The following SCAP variants were observed in gnomAD, a reference collection of about 807,000 sequenced individuals.
SCAP encodes sterol regulatory element-binding protein cleavage-activating protein.
In SCAP, 65 loss-of-function variants were observed where a neutral mutation model predicts 123.6. The observed-to-expected ratio is 0.53, with a 90% CI of 0.43 to 0.65. SCAP has a LOEUF of 0.65. Among genes scored for constraint, SCAP ranks in the 30% least tolerant of loss-of-function variants. The pLI, the probability that SCAP is intolerant of heterozygous loss-of-function variation, is 0.00. For synonymous variants in SCAP, 740 were observed against 726.3 expected (o/e 1.02, Z -0.30); for missense variants, 1,398 against 1,712.5 (o/e 0.82, Z 3.24).
In SCAP at chr3:47,438,953, A is replaced by AGACTAGG. The variant is rs560572255; in HGVS notation, c.123-3823_123-3817dup. Among the ~76,000 whole-genome samples the AGACTAGG allele has an allele frequency of 7.9e-5, 12 of 152,300 alleles. 1 individual carries two copies. In the South Asian group the frequency reaches 2.3e-3, roughly 29 times the overall value. ...TGTGCTTTCTGGCTGTGAAGGTAGA[A>AGACTAGG]GACTAGGAAGACAGTGAATAATAAC... On this transcript the variant is annotated intron_variant, in intron 2 of 22. Coordinates refer to ENST00000265565, the MANE Select transcript of SCAP (RefSeq NM_012235.4).
At chr3:47,448,209 G>C (rs12054364) in intron 1 of SCAP, among the ~76,000 whole-genome samples, 2 of 151,980 alleles carry the variant, frequency 1.3e-5, no homozygotes, top group South Asian at 4.1e-4. Flanking sequence ...TGTTTTGTTA[G>C]ATTTATACCT....
Position 47,420,920 on chromosome 3 carries a change from C to A in SCAP, c.1344+11G>T, listed in dbSNP as rs934733853. 2 of 1,611,962 alleles carry A rather than the reference C, an allele frequency of 1.2e-6. No homozygotes were observed. The highest frequency in any genetic ancestry group is 1.7e-6 in the Non-Finnish European group (2 of 1,178,262). Reference sequence around the variant, plus strand: ...AGGAGGCGGGCAGGGCAGGGCTCAGCCCACTCCTACCTCCATCCGGCGAAT... The same window carrying A: ...AGGAGGCGGGCAGGGCAGGGCTCAGACCACTCCTACCTCCATCCGGCGAAT... On this transcript the variant is annotated intron_variant, in intron 11 of 22. Coordinates refer to ENST00000265565, the MANE Select transcript of SCAP (RefSeq NM_012235.4). The surrounding 1 kb of genome is among the most constrained non-coding windows in gnomAD (Gnocchi z 5.0).
intron 8 of SCAP, among the ~76,000 whole-genome samples, chr3:47,424,574 G>A (rs949835425): frequency 1.3e-5 from 2 of 152,150 alleles, no homozygotes; most frequent in Non-Finnish European, 2.9e-5. Context: ...CACACTCCCC[G>A]CAGCAAACCC....
At position 47,418,513 on chromosome 3, in the gene SCAP, C is replaced by A; in HGVS notation, c.2139G>T (p.Ala713=). 1 of 1,592,164 alleles carries A rather than the reference C, an allele frequency of 6.3e-7. No individual in the cohort carries two copies. The highest frequency in any genetic ancestry group is 8.5e-7 in the Non-Finnish European group (1 of 1,170,460). Residue 713 remains alanine, a synonymous_variant, in exon 15 of 23, where the codon GCG becomes GCT. Transcript: ENST00000265565. Reference sequence around the variant, plus strand: ...AGACGATGCCGGTGGCCAGGCCCAGCGCCGCCACCCTGCACGGGAGGGCGG... The same window carrying A: ...AGACGATGCCGGTGGCCAGGCCCAGAGCCGCCACCCTGCACGGGAGGGCGG... ...HGDVTLYKVA[A]LGLATGIVLV...
At chr3:47,426,227 A>G in intron 6 of SCAP, 58 bp from the exon 7 acceptor site, 2 of 1,547,362 alleles carry the variant, frequency 1.3e-6, no homozygotes. Flanking sequence ...CTGGGGACAA[A>G]GACAATCCCC....
chr3:47,418,058 G>A lies in SCAP; in HGVS notation c.2447+76C>T, dbSNP rs1268501341. On this transcript the variant is annotated intron_variant, in intron 16 of 22. Coordinates refer to ENST00000265565, the MANE Select transcript of SCAP (RefSeq NM_012235.4). Reference sequence around the variant, plus strand: ...GGGATACCTCGGAGGAAGAAAGGAGGGGAGATACGTGGCGGCGGGGGGTGG... The same window carrying A: ...GGGATACCTCGGAGGAAGAAAGGAGAGGAGATACGTGGCGGCGGGGGGTGG... 54 of 1,075,802 alleles carry A rather than the reference G, an allele frequency of 5.0e-5. No homozygotes were observed. In the African/African-American group the frequency reaches 8.8e-4, roughly 18 times the overall value. The allele number at this position is 1,075,802 out of a possible 1,614,324, so 66.6% of individuals were successfully genotyped here. A position where few individuals can be genotyped will look rare whatever the true frequency, so the allele number is the denominator to read the frequency against.
At chr3:47,475,256 G>A (rs1158922077) in intron 1 of SCAP, among the ~76,000 whole-genome samples, 2 of 152,084 alleles carry the variant, frequency 1.3e-5, no homozygotes, top group Non-Finnish European at 2.9e-5. Context: ...GACATTATAA[G>A]CCGGTTAAAT....
In SCAP at chr3:47,417,594, C is replaced by CGGGCTGAGT; in HGVS notation, c.2671_2679dup (p.Thr891_Pro893dup). The CGGGCTGAGT allele has an allele frequency of 6.3e-7, 1 of 1,598,264 alleles. No individual in the cohort carries two copies. Among genetic ancestry groups the CGGGCTGAGT allele is most frequent in the East Asian group, 2.3e-5 (1 of 44,176 alleles). On this transcript the variant is annotated inframe_insertion, in exon 17 of 23. Coordinates refer to ENST00000265565, the MANE Select transcript of SCAP (RefSeq NM_012235.4). ...CCACAGACCGCCCGGTGCCGGGGCT[C>CGGGCTGAGT]GGGCTGAGTGGGCTGTGAGGACCGA...
intron 6 of SCAP, 82 bp from the exon 7 acceptor site, chr3:47,426,251 A>T (rs1471447677): frequency 7.3e-7 from 1 of 1,368,758 alleles, no homozygotes; most frequent in African/African-American, 1.5e-5. Flanking sequence ...CAGAGGGTCC[A>T]TCAGGACCTC....
intron 1 of SCAP, among the ~76,000 whole-genome samples, chr3:47,444,527 G>C (rs575779776): frequency 3.0e-4 from 46 of 152,300 alleles, no homozygotes; most frequent in African/African-American, 1.1e-3. Flanking sequence ...AGGCTGGAGT[G>C]CAGTGGGCAC....
rs1705800300 is a variant in SCAP at position 47,419,612 on chromosome 3, T to C, written c.1656A>G (p.Pro552=). Residue 552 remains proline, a synonymous_variant, in exon 13 of 23, where the codon CCA becomes CCG. Coordinates refer to ENST00000265565, the MANE Select transcript of SCAP (RefSeq NM_012235.4). This position sits in a 1 kb window ranked among gnomAD's most constrained non-coding sequence, Gnocchi z 5.0. ...TGGGAGCCAGGGCTCCCTCACCCAA[T>C]GGGCTCTGTTCCGTCACCTGGGCAG... ...YLAAQVTEQS[P]LGEGALAPMP... The C allele has an allele frequency of 6.2e-7, 1 of 1,600,794 alleles. No homozygotes were observed.
chr3:47,418,100 G>A (rs1705711864), intron 16 of SCAP, 34 bp downstream of exon 16: 1 of 1,508,670 alleles, frequency 6.6e-7, no homozygotes, highest in Non-Finnish European at 9.0e-7. Context: ...GGGGGTTGTG[G>A]GGGCACAAAG....
At chr3:47,438,780 G>A (rs929977635) in intron 2 of SCAP, among the ~76,000 whole-genome samples, 1 of 150,930 alleles carries the variant, frequency 6.6e-6, no homozygotes, top group African/African-American at 2.4e-5. Flanking sequence ...TGCCATGCCA[G>A]TGCACTCTAG....
intron 1 of SCAP, among the ~76,000 whole-genome samples, chr3:47,444,131 A>G (rs1016914124): frequency 1.3e-5 from 2 of 152,214 alleles, no homozygotes; most frequent in African/African-American, 2.4e-5. Context: ...CATTAAACCA[A>G]TAAAATCAGA....
At chr3:47,418,281 C>A (rs1218382460) in intron 15 of SCAP, 32 bp from the exon 16 acceptor site, 49 of 1,553,294 alleles carry the variant, frequency 3.2e-5, no homozygotes, top group Non-Finnish European at 4.1e-5. Flanking sequence ...ATGGGCCAGG[C>A]TCCGGCCCTC....
At chr3:47,461,434 C>T (rs1246879075) in intron 1 of SCAP, among the ~76,000 whole-genome samples, 1 of 152,224 alleles carries the variant, frequency 6.6e-6, no homozygotes, top group Non-Finnish European at 1.5e-5. Flanking sequence ...ACTGGGACCA[C>T]ACAATTCTTC....
Position 47,417,155 on chromosome 3 carries a change from G to A in SCAP, c.3023C>T (p.Ser1008Leu). ...CAAGAACACCAGAGCGGTAATGCCT[G>A]AGGAGACCTCCTCGCTGCTGCAGCA... ...VLCCSSEEVSSGITALVFLDK... is the reference protein window; with the variant it reads ...VLCCSSEEVSLGITALVFLDK... Residue 1008 changes from serine to leucine, a missense_variant, in exon 18 of 23, where the codon TCA becomes TTA. Coordinates refer to ENST00000265565, the MANE Select transcript of SCAP (RefSeq NM_012235.4). The A allele has an allele frequency of 6.2e-7, 1 of 1,613,094 alleles. No homozygotes were observed. Among genetic ancestry groups the A allele is most frequent in the Non-Finnish European group, 8.5e-7 (1 of 1,180,002 alleles).
chr3:47,420,562 G>A lies in SCAP; in HGVS notation c.1555C>T (p.Leu519Phe). 2 of 1,601,296 alleles carry A rather than the reference G, an allele frequency of 1.2e-6. No homozygotes were observed. Among genetic ancestry groups the A allele is most frequent in the Non-Finnish European group, 1.7e-6 (2 of 1,173,938 alleles). ...GCAGGGGTGGCAGGTACCATGATGA[G>A]GCGCTGTGCCAGGCGGGTGCGGGCC... ...FLARTRLAQR[L>F]IMAGTVVWIG... Residue 519 changes from leucine (L) to phenylalanine (F), a missense_variant, in exon 12 of 23, where the codon CTC becomes TTC. Leu to Phe is a conservative substitution (Grantham distance 22, BLOSUM62 0). This residue lies in a region of SCAP where 828 missense variants were observed against 882.5 expected (regional missense o/e 0.94). Transcript: ENST00000265565. This position sits in a 1 kb window ranked among gnomAD's most constrained non-coding sequence, Gnocchi z 5.0.
intron 3 of SCAP, among the ~76,000 whole-genome samples, chr3:47,432,314 G>T (rs1265371765): frequency 6.6e-5 from 5 of 75,674 alleles, no homozygotes; most frequent in East Asian, 3.7e-4. Context: ...ACTCCGTCTT[G>T]AAAAAAAAAA....
Sources: allele counts gnomAD v4.1 joint callset (sites outside exome capture counted in the v4.1 genomes callset), GRCh38; gene constraint gnomAD v4.1.1; regional missense constraint gnomAD v4.1.1; non-coding constraint Gnocchi (gnomAD v3.1); transcripts MANE v1.5; gene names NCBI Gene and HGNC (gene_info 2026-07-23, HGNC 2026-07-21).